The following ABLIM1 variants were observed in gnomAD, a reference collection of about 807,000 sequenced individuals.
ABLIM1 encodes actin-binding LIM protein 1.
ABLIM1 carries 40 observed loss-of-function variants against 107.0 expected under a neutral mutation model. The ratio of observed to expected loss-of-function variants is 0.37; its 90% CI spans 0.29 to 0.49. The LOEUF is 0.49. ABLIM1 is among the 20% of genes least tolerant of loss of function. The pLI, the probability that ABLIM1 is intolerant of heterozygous loss-of-function variation, is 0.97. For missense variants in ABLIM1, 857 were observed against 1,008.5 expected, an observed-to-expected ratio of 0.85 and a Z score of 2.04; for synonymous variants, 357 against 357.3, an observed-to-expected ratio of 1.00 and a Z score of 0.01.
At chr10:114,586,928 T>TA (rs1215330224) in intron 2 of ABLIM1, among the ~76,000 whole-genome samples, 1 of 152,146 alleles carries the variant, frequency 6.6e-6, no homozygotes, top group Admixed American at 6.5e-5. Flanking sequence ...CAATTTTTCC[T>TA]AAAAAAATGA....
chr10:114,546,521 TCAA>T (rs1409759899), intron 5 of ABLIM1, among the ~76,000 whole-genome samples: 1 of 151,808 alleles, frequency 6.6e-6, no homozygotes, highest in East Asian at 1.9e-4. Flanking sequence ...TCTCGAACTC[TCAA>T]CCTCAGGTGA....
intron 1 of ABLIM1, among the ~76,000 whole-genome samples, chr10:114,637,715 T>A (rs993989617): frequency 2.0e-5 from 3 of 152,184 alleles, no homozygotes; most frequent in Non-Finnish European, 4.4e-5. Flanking sequence ...AAAAAATAAA[T>A]CATTTTCCTA....
At chr10:114,528,425 T>C (rs1212520077) in intron 6 of ABLIM1, among the ~76,000 whole-genome samples, 1 of 152,116 alleles carries the variant, frequency 6.6e-6, no homozygotes, top group Non-Finnish European at 1.5e-5. Context: ...GCTGAGAAAA[T>C]GTAAGGTTTT....
chr10:114,618,984 T>G (rs2077300073), intron 1 of ABLIM1, among the ~76,000 whole-genome samples: 1 of 152,068 alleles, frequency 6.6e-6, no homozygotes. Flanking sequence ...AAAGTCCAAG[T>G]GCTTTTTGAA....
intron 1 of ABLIM1, among the ~76,000 whole-genome samples, chr10:114,655,095 A>T (rs921755500): frequency 6.6e-6 from 1 of 152,202 alleles, no homozygotes; most frequent in Non-Finnish European, 1.5e-5. Flanking sequence ...CCTATAAGGT[A>T]TGCATTCCCT....
At chr10:114,537,278 T>C (rs2066145212) in intron 6 of ABLIM1, among the ~76,000 whole-genome samples, 1 of 152,232 alleles carries the variant, frequency 6.6e-6, no homozygotes, top group Admixed American at 6.5e-5. Context: ...CATAATATTT[T>C]ACATATTTAT....
chr10:114,547,578 G>T, intron 5 of ABLIM1, 72 bp downstream of exon 5: 2 of 1,594,546 alleles, frequency 1.3e-6, no homozygotes, highest in South Asian at 1.1e-5. Flanking sequence ...GGGCCCCTGA[G>T]ACCAGGACCT....
intron 11 of ABLIM1, among the ~76,000 whole-genome samples, chr10:114,467,270 C>A (rs796693631): frequency 1.1e-4 from 16 of 152,286 alleles, no homozygotes; most frequent in African/African-American, 3.4e-4. Context: ...GTACAAAAAA[C>A]CACATGCACA....
chr10:114,753,313 G>A (rs1392660954), intron 1 of ABLIM1, among the ~76,000 whole-genome samples: 3 of 152,198 alleles, frequency 2.0e-5, no homozygotes, highest in Non-Finnish European at 4.4e-5. Flanking sequence ...TGTGCACCAT[G>A]CTCTCTTTCC....
chr10:114,695,031 T>A (rs2081166676), intron 1 of ABLIM1, among the ~76,000 whole-genome samples: 3 of 152,208 alleles, frequency 2.0e-5, no homozygotes, highest in Non-Finnish European at 4.4e-5. Flanking sequence ...TATGTGCATG[T>A]TACAGTTAGA....
chr10:114,548,709 C>A (rs1020789499), intron 4 of ABLIM1, among the ~76,000 whole-genome samples: 8 of 152,192 alleles, frequency 5.3e-5, no homozygotes, highest in African/African-American at 1.9e-4. Context: ...ATTGGTGCAA[C>A]CTTTCTGGAA....
At chr10:114,558,913 C>CTGTG (rs377741805) in intron 4 of ABLIM1, among the ~76,000 whole-genome samples, 25 of 149,122 alleles carry the variant, frequency 1.7e-4, no homozygotes, top group South Asian at 1.3e-3. Flanking sequence ...GTGTGTGTGT[C>CTGTG]TGTGTGTGTG....
At chr10:114,800,976 C>T in the ABLIM1 span, among the ~76,000 whole-genome samples, 6 of 152,124 alleles carry the variant, frequency 3.9e-5, no homozygotes, top group African/African-American at 1.4e-4. Context: ...TTTGACTGCC[C>T]TGAAACTTAA....
intron 1 of ABLIM1, among the ~76,000 whole-genome samples, chr10:114,698,879 G>C (rs145277889): frequency 3.3e-5 from 5 of 152,078 alleles, no homozygotes; most frequent in African/African-American, 1.2e-4. Context: ...TTCCCAAAAA[G>C]AAAACTGCAG....
At chr10:114,617,600 T>C (rs950717930) in intron 1 of ABLIM1, among the ~76,000 whole-genome samples, 2 of 152,108 alleles carry the variant, frequency 1.3e-5, no homozygotes. Flanking sequence ...CTGTTTTATC[T>C]GCAAGGGACC....
chr10:114,674,982 G>A (rs1410217662), intron 1 of ABLIM1, among the ~76,000 whole-genome samples: 1 of 152,014 alleles, frequency 6.6e-6, no homozygotes, highest in Admixed American at 6.6e-5. Context: ...TGAGCACACG[G>A]CTCTTTCCAT....
intron 1 of ABLIM1, among the ~76,000 whole-genome samples, chr10:114,643,414 T>C (rs767928321): frequency 6.6e-6 from 1 of 152,174 alleles, no homozygotes; most frequent in Non-Finnish European, 1.5e-5. Flanking sequence ...AATCACTTCA[T>C]CTTTGCTTAG....
exon 1 of ABLIM1, chr10:114,684,346 A>T: frequency 6.2e-7 from 1 of 1,614,140 alleles, no homozygotes; most frequent in South Asian, 1.1e-5. Flanking sequence ...TTCCAAGGTC[A>T]TTAACATGCA....
At chr10:114,626,909 A>G (rs1414456983) in intron 1 of ABLIM1, among the ~76,000 whole-genome samples, 1 of 152,160 alleles carries the variant, frequency 6.6e-6, no homozygotes, top group Non-Finnish European at 1.5e-5. Context: ...TTGCTTCTAT[A>G]AGCCAAGGAA....
Sources: allele counts gnomAD v4.1 joint callset (sites outside exome capture counted in the v4.1 genomes callset), GRCh38; gene constraint gnomAD v4.1.1; transcripts MANE v1.5; gene names NCBI Gene and HGNC (gene_info 2026-07-23, HGNC 2026-07-21).